The following ASB17 variants were observed in gnomAD, a reference collection of about 807,000 sequenced individuals.
ASB17 encodes the protein ankyrin repeat and SOCS box containing 17.
In ASB17, 26 loss-of-function variants were observed where a neutral mutation model predicts 25.7. The ratio of observed to expected loss-of-function variants is 1.01; its 90% CI spans 0.74 to 1.40. The LOEUF is 1.40. ASB17 is among the 40% of genes most tolerant of loss of function. The pLI is 0.00. For synonymous variants in ASB17, 128 were observed against 121.4 expected (o/e 1.05, Z -0.36); for missense variants, 326 against 338.5 (o/e 0.96, Z 0.29).
Position 75,922,329 on chromosome 1 carries a change from T to TG in ASB17, c.431dup (p.Leu145IlefsTer17). 1 of 1,613,208 alleles carries TG rather than the reference T, an allele frequency of 6.2e-7. No individual in the cohort carries two copies. Among genetic ancestry groups the TG allele is most frequent in the African/African-American group, 1.3e-5 (1 of 74,970 alleles). On this transcript the variant is annotated frameshift_variant, in exon 2 of 3. Coordinates refer to ENST00000284142, the MANE Select transcript of ASB17 (RefSeq NM_080868.3). LOFTEE classifies it high-confidence loss of function. ...AAAAGAGAGGTGTGATGCCACTTAATGGGCTTGGACAGTATACTGGTGTGA... is the reference window on the plus strand; with the variant it reads ...AAAAGAGAGGTGTGATGCCACTTAATGGGGCTTGGACAGTATACTGGTGTGA...
intron 1 of ASB17, among the ~76,000 whole-genome samples, chr1:75,924,231 AGAT>A (rs1653109440): frequency 6.6e-6 from 1 of 152,210 alleles, no homozygotes; most frequent in Non-Finnish European, 1.5e-5. Flanking sequence ...GTTTTATAAT[AGAT>A]GAGCTTTTTT....
At chr1:75,931,615 CTTTG>C (rs1000432580) in intron 1 of ASB17, among the ~76,000 whole-genome samples, 8 of 152,026 alleles carry the variant, frequency 5.3e-5, no homozygotes, top group Admixed American at 2.6e-4. Flanking sequence ...AACATAGTGT[CTTTG>C]TTTAGTTAGA....
chr1:75,926,522 A>G (rs958194014), intron 1 of ASB17, among the ~76,000 whole-genome samples: 1 of 152,226 alleles, frequency 6.6e-6, no homozygotes, highest in Non-Finnish European at 1.5e-5. Flanking sequence ...GACAGAGGTA[A>G]TGGGATGCCA....
At chr1:75,919,684 A>C (rs889638820) in intron 2 of ASB17, among the ~76,000 whole-genome samples, 1 of 152,016 alleles carries the variant, frequency 6.6e-6, no homozygotes, top group Non-Finnish European at 1.5e-5. Flanking sequence ...ATGATTTCCA[A>C]TTTCATCCAT....
chr1:75,920,117 A>T (rs538703131), intron 2 of ASB17, among the ~76,000 whole-genome samples: 34 of 152,242 alleles, frequency 2.2e-4, no homozygotes, highest in Non-Finnish European at 8.8e-5. Context: ...TTGGACACAG[A>T]CAACCTAAGT....
At chr1:75,925,654 A>T (rs974109542) in intron 1 of ASB17, among the ~76,000 whole-genome samples, 2 of 152,192 alleles carry the variant, frequency 1.3e-5, no homozygotes, top group Non-Finnish European at 2.9e-5. Context: ...TAGTTTTTAA[A>T]TGTGAGGTTA....
chr1:75,921,642 T>C (rs1159331841), intron 2 of ASB17, among the ~76,000 whole-genome samples: 2 of 152,226 alleles, frequency 1.3e-5, no homozygotes, highest in Non-Finnish European at 2.9e-5. Context: ...TTTATATTTT[T>C]ATAATGCTTG....
chr1:75,928,272 G>A (rs1165133085), intron 1 of ASB17, among the ~76,000 whole-genome samples: 1 of 152,106 alleles, frequency 6.6e-6, no homozygotes, highest in African/African-American at 2.4e-5. Context: ...TCTAAAATCA[G>A]GAAATGTGTC....
At chr1:75,927,739 T>C (rs758345132) in intron 1 of ASB17, among the ~76,000 whole-genome samples, 3 of 152,048 alleles carry the variant, frequency 2.0e-5, no homozygotes, top group Non-Finnish European at 4.4e-5. Context: ...TACTAACTGG[T>C]TTCCCTGCCC....
chr1:75,919,607 G>C (rs948278271), intron 2 of ASB17, among the ~76,000 whole-genome samples: 24 of 152,082 alleles, frequency 1.6e-4, no homozygotes, highest in African/African-American at 5.1e-4. Flanking sequence ...TCATTGTTCA[G>C]TTCCCACCTA....
At chr1:75,921,859 G>T (rs959706905) in intron 2 of ASB17, among the ~76,000 whole-genome samples, 2 of 151,862 alleles carry the variant, frequency 1.3e-5, no homozygotes, top group Non-Finnish European at 2.9e-5. Flanking sequence ...ATACTAAAAT[G>T]AACTATACAT....
chr1:75,926,983 GAAATTAAC>G (rs1248376652), intron 1 of ASB17, among the ~76,000 whole-genome samples: 2 of 152,186 alleles, frequency 1.3e-5, no homozygotes, highest in African/African-American at 2.4e-5. Flanking sequence ...CTTGAGGTGG[GAAATTAAC>G]TAGGTGTGCC....
At chr1:75,931,695 CATA>C (rs1653324805) in intron 1 of ASB17, among the ~76,000 whole-genome samples, 193 bp downstream of exon 1, 1 of 151,692 alleles carries the variant, frequency 6.6e-6, no homozygotes. Context: ...TTTATTGGTA[CATA>C]ATAATTTACA....
intron 1 of ASB17, among the ~76,000 whole-genome samples, chr1:75,922,917 T>C (rs1653071197): frequency 6.6e-6 from 1 of 152,348 alleles, no homozygotes; most frequent in African/African-American, 2.4e-5. Context: ...AAACAATTTA[T>C]AATATATGTA....
rs201673942 is a variant in ASB17 at position 75,925,779 on chromosome 1, AT to A, written c.402-3421del. On this transcript the variant is annotated intron_variant, in intron 1 of 2. Transcript: ENST00000284142. The stretch of plus-strand genomic sequence containing the variant: ...AGTTTTTTAGCTATAATTATTTCTA[AT>A]TTTTTTCCCTTCTCATTCTCCTTCA... Among the ~76,000 whole-genome samples, 34 of 152,192 alleles carry A rather than the reference AT, an allele frequency of 2.2e-4. No homozygotes were observed. The East Asian group carries it at 4.2e-3, about 19-fold the overall frequency.
chr1:75,925,166 A>G lies in ASB17; in HGVS notation c.402-2807T>C, dbSNP rs150437127. Among the ~76,000 whole-genome samples the G allele has an allele frequency of 1.3e-3, 191 of 152,208 alleles. No individual in the cohort carries two copies. In the Middle Eastern group the frequency reaches 0.014, roughly 11 times the overall value. The stretch of plus-strand genomic sequence containing the variant: ...ACTTTTTTTACTGAAAATTTTGACT[A>G]TATATATGTCATAGTAAAAAATTCC... On this transcript the variant is annotated intron_variant, in intron 1 of 2. Coordinates refer to ENST00000284142, the MANE Select transcript of ASB17 (RefSeq NM_080868.3).
chr1:75,919,155 G>T lies in ASB17; in HGVS notation c.685C>A (p.Gln229Lys). Reference protein sequence around the residue: ...SVISVKEIKTQLSLGRHPIIS... With the variant: ...SVISVKEIKTKLSLGRHPIIS... Reference sequence around the variant, plus strand: ...ATTGGATGTCTTCCTAAACTCAGCTGTGTCTGAAGAAAAGCAAAATATTTT... The same window carrying T: ...ATTGGATGTCTTCCTAAACTCAGCTTTGTCTGAAGAAAAGCAAAATATTTT... The change falls in exon 3 of 3, where the codon CAG (glutamine) becomes AAG (lysine). Residue 229 changes from glutamine to lysine, a missense_variant. Physicochemically the swap from Gln to Lys is moderately conservative, Grantham distance 53. Coordinates refer to ENST00000284142, the MANE Select transcript of ASB17 (RefSeq NM_080868.3). 6.2e-7 allele frequency: 1 copy of T among 1,607,488 alleles called. No homozygotes were observed. Among genetic ancestry groups the T allele is most frequent in the Non-Finnish European group, 8.5e-7 (1 of 1,176,340 alleles).
chr1:75,928,183 G>A (rs1406307861), intron 1 of ASB17, among the ~76,000 whole-genome samples: 1 of 152,088 alleles, frequency 6.6e-6, no homozygotes, highest in Non-Finnish European at 1.5e-5. Context: ...CTCTACCTGT[G>A]CATGCTTCTA....
At chr1:75,922,520 G>A (rs1445810080) in intron 1 of ASB17, among the ~76,000 whole-genome samples, 161 bp from the exon 2 acceptor site, 1 of 84,074 alleles carries the variant, frequency 1.2e-5, no homozygotes. Context: ...TTTTGAGATG[G>A]AGTTTCCCTC....
Sources: gnomAD v4.1 joint callset for allele counts (sites outside exome capture counted in the v4.1 genomes callset) on GRCh38, gnomAD v4.1.1 for gene constraint, MANE v1.5 for transcripts, NCBI Gene and HGNC (gene_info 2026-07-23, HGNC 2026-07-21) for gene names.